The following DLG2 variants were observed in gnomAD, a reference collection of about 807,000 sequenced individuals.
DLG2 encodes discs large MAGUK scaffold protein 2.
A neutral mutation model predicts 132.5 loss-of-function variants in DLG2; 45 were observed. The observed-to-expected ratio is 0.34, with a 90% CI of 0.27 to 0.44. The LOEUF (loss-of-function observed/expected upper bound fraction) is 0.44, where lower values mean the gene tolerates loss of function less well. DLG2 is among the 20% of genes least tolerant of loss of function. The pLI is 1.00. For synonymous variants in DLG2, 424 were observed against 419.6 expected, an observed-to-expected ratio of 1.01 and a Z score of -0.13; for missense variants, 1,045 against 1,196.9, an observed-to-expected ratio of 0.87 and a Z score of 1.87.
At chr11:84,884,809 A>C (rs2087957451) in intron 6 of DLG2, among the ~76,000 whole-genome samples, 1 of 152,068 alleles carries the variant, frequency 6.6e-6, no homozygotes, top group South Asian at 2.1e-4. Flanking sequence ...AAAAATATTA[A>C]ATGAAAAATT....
chr11:84,545,838 C>G (rs1448655541), intron 6 of DLG2: 1 of 156,468 alleles, frequency 6.4e-6, no homozygotes, highest in Non-Finnish European at 1.4e-5. Flanking sequence ...TCACTGCAAC[C>G]TCTGCCTCCT....
At chr11:84,620,552 T>C (rs76735141) in intron 6 of DLG2, among the ~76,000 whole-genome samples, 1,919 of 152,080 alleles carry the variant, frequency 0.013, 39 homozygotes, top group African/African-American at 0.044. Context: ...TAATACAATA[T>C]AGGTGTAAGC....
At chr11:84,390,274 G>A (rs533601398) in intron 7 of DLG2, among the ~76,000 whole-genome samples, 6 of 152,116 alleles carry the variant, frequency 3.9e-5, no homozygotes, top group Non-Finnish European at 5.9e-5. Flanking sequence ...GAGTTCCCCT[G>A]ATAATAGAGT....
At chr11:84,275,225 T>C (rs1310413555) in intron 7 of DLG2, among the ~76,000 whole-genome samples, 1 of 152,166 alleles carries the variant, frequency 6.6e-6, no homozygotes, top group Non-Finnish European at 1.5e-5. Flanking sequence ...CTTTAGTTTT[T>C]GGGGAAAAAA....
intron 3 of DLG2, among the ~76,000 whole-genome samples, chr11:85,491,352 C>A (rs572079144): frequency 5.3e-5 from 8 of 152,176 alleles, no homozygotes; most frequent in African/African-American, 1.7e-4. Context: ...CCTCTAAGAA[C>A]TGGAACAAGA....
chr11:83,481,831 C>T (rs563517523), intron 22 of DLG2, among the ~76,000 whole-genome samples: 64 of 150,976 alleles, frequency 4.2e-4, no homozygotes, highest in Non-Finnish European at 8.1e-4. Context: ...GTTGTTGTTG[C>T]GAAGTTTTAC....
intron 8 of DLG2, among the ~76,000 whole-genome samples, chr11:84,195,185 G>A (rs1004882405): frequency 6.6e-6 from 1 of 152,070 alleles, no homozygotes; most frequent in African/African-American, 2.4e-5. Flanking sequence ...ATTTTTTTGA[G>A]ATGGAGTCCC....
chr11:84,278,270 T>C (rs2097805244), intron 7 of DLG2, among the ~76,000 whole-genome samples: 1 of 151,998 alleles, frequency 6.6e-6, no homozygotes, highest in South Asian at 2.1e-4. Flanking sequence ...AGATGCAAAC[T>C]AATCAAGAAG....
intron 10 of DLG2, among the ~76,000 whole-genome samples, chr11:84,075,708 C>A (rs956083572): frequency 6.6e-6 from 1 of 152,072 alleles, no homozygotes; most frequent in Non-Finnish European, 1.5e-5. Flanking sequence ...TGTTTTCTGA[C>A]CTTTCCTGAG....
chr11:84,923,478 G>A, intron 6 of DLG2: 3 of 768,832 alleles, frequency 3.9e-6, no homozygotes, highest in Non-Finnish European at 4.7e-6. Flanking sequence ...AGGAAGGAGG[G>A]GGGGAAAGGT....
At chr11:83,842,319 G>C (rs1364967410) in intron 16 of DLG2, among the ~76,000 whole-genome samples, 1 of 152,150 alleles carries the variant, frequency 6.6e-6, no homozygotes, top group Non-Finnish European at 1.5e-5. Flanking sequence ...ATTACCGCCA[G>C]GCTTGGTGGC....
intron 15 of DLG2, among the ~76,000 whole-genome samples, chr11:83,907,920 C>A (rs930407041): frequency 6.6e-6 from 1 of 152,172 alleles, no homozygotes; most frequent in Non-Finnish European, 1.5e-5. Flanking sequence ...GTTCCCAAGG[C>A]ACCCTTGCCT....
At chr11:84,296,439 AT>A (rs1324218956) in intron 7 of DLG2, among the ~76,000 whole-genome samples, 1 of 151,900 alleles carries the variant, frequency 6.6e-6, no homozygotes, top group Non-Finnish European at 1.5e-5. Context: ...TGTACTTATG[AT>A]TTTTTTCTCT....
intron 6 of DLG2, among the ~76,000 whole-genome samples, chr11:84,939,487 A>G (rs2154096558): frequency 6.6e-6 from 1 of 152,262 alleles, no homozygotes; most frequent in South Asian, 2.1e-4. Flanking sequence ...ATCAAATACT[A>G]GATCTTATTC....
chr11:85,076,572 G>T (rs543751876), intron 6 of DLG2, among the ~76,000 whole-genome samples: 2 of 152,016 alleles, frequency 1.3e-5, no homozygotes, highest in South Asian at 4.1e-4. Context: ...CTGCCTTGAA[G>T]CATCAGCTTC....
intron 6 of DLG2, among the ~76,000 whole-genome samples, chr11:85,047,900 G>A (rs1037310703): frequency 6.6e-6 from 1 of 151,780 alleles, no homozygotes; most frequent in African/African-American, 2.4e-5. Context: ...TCATTAGTAG[G>A]TAAAAATACA....
At chr11:84,833,939 C>A (rs1023988913) in intron 6 of DLG2, among the ~76,000 whole-genome samples, 1 of 151,474 alleles carries the variant, frequency 6.6e-6, no homozygotes, top group African/African-American at 2.4e-5. Flanking sequence ...GGGAATGGGG[C>A]AAATATTTGT....
rs187004542 is a variant in DLG2 at position 85,148,939 on chromosome 11, A to T, written c.282+5617T>A. On this transcript the variant is annotated intron_variant, in intron 5 of 27. Transcript: ENST00000376104. ...TTAATTTTTGTATAAAGTATAAGGA[A>T]GGGGTCAAGTTTCAGTTTTCTGCCT... Among the ~76,000 whole-genome samples the T allele has an allele frequency of 2.0e-5, 3 of 152,312 alleles. No individual in the cohort carries two copies. The East Asian group carries it at 5.8e-4, about 29-fold the overall frequency.
chr11:83,633,348 C>A (rs1233479709), intron 18 of DLG2, 23 bp from the exon 19 acceptor site: 1 of 1,602,784 alleles, frequency 6.2e-7, no homozygotes. Flanking sequence ...ACAAAGGTAG[C>A]AAATTTTGCT....
Sources: gnomAD v4.1 joint callset for allele counts (sites outside exome capture counted in the v4.1 genomes callset) on GRCh38, gnomAD v4.1.1 for gene constraint, MANE v1.5 for transcripts, NCBI Gene and HGNC (gene_info 2026-07-23, HGNC 2026-07-21) for gene names.